The following ZFP69 variants were observed in gnomAD, a reference collection of about 807,000 sequenced individuals.
ZFP69 encodes zinc finger protein 69 homolog.
In ZFP69, 35 loss-of-function variants were observed where a neutral mutation model predicts 48.9. The ratio of observed to expected loss-of-function variants is 0.72; its 90% confidence interval spans 0.55 to 0.95. The LOEUF is 0.95. ZFP69 is among the 40% of genes least tolerant of loss of function. The pLI, the probability that ZFP69 is intolerant of heterozygous loss-of-function variation, is 0.00. For missense variants in ZFP69, 557 were observed against 638.4 expected (o/e 0.87, Z 1.37); for synonymous variants, 193 against 216.8 (o/e 0.89, Z 0.96).
At position 40,481,837 on chromosome 1, in the gene ZFP69, C is replaced by G. The variant is rs757099497; in HGVS notation, c.202C>G (p.Pro68Ala). ...SLEDEVTPGL[P>A]TAESQELLTF... Reference sequence around the variant, plus strand: ...AGAGGATGAAGTGACCCCTGGACTCCCGACAGCAGAATCCCAGGTGAGTAG... The same window carrying G: ...AGAGGATGAAGTGACCCCTGGACTCGCGACAGCAGAATCCCAGGTGAGTAG... Residue 68 changes from proline to alanine, a missense_variant, in exon 3 of 6, where the codon CCG (proline) becomes GCG (alanine). Transcript: ENST00000372706. 1 of 1,612,284 alleles carries G rather than the reference C, an allele frequency of 6.2e-7. No homozygotes were observed. Among genetic ancestry groups the G allele is most frequent in the African/African-American group, 1.3e-5 (1 of 74,836 alleles).
At chr1:40,490,943 C>T (rs1415564497) in intron 5 of ZFP69, 1 of 152,110 alleles carries the variant, frequency 6.6e-6, no homozygotes, top group African/African-American at 2.4e-5. Flanking sequence ...TAGCTTCCAC[C>T]TAGACTAAGA....
chr1:40,477,483 C>A lies in ZFP69; in HGVS notation c.-738C>A, dbSNP rs1247250390. On this transcript the variant is annotated 5_prime_UTR_variant, in exon 1 of 6. Transcript: ENST00000372706. The surrounding 1 kb of genome is among the most constrained non-coding windows in gnomAD (Gnocchi z 4.0). ...GCTGGGTGGGCTTGGCTGCAGCCGCCAGCCCCGTGTTAAAGCGGCAGCCAG... is the reference window on the plus strand; with the variant it reads ...GCTGGGTGGGCTTGGCTGCAGCCGCAAGCCCCGTGTTAAAGCGGCAGCCAG... The A allele has an allele frequency of 6.6e-6, 1 of 152,156 alleles. No homozygotes were observed. The highest frequency in any genetic ancestry group is 1.9e-4 in the East Asian group (1 of 5,178). The allele number at this position is 152,156 out of a possible 1,614,324, so 9.4% of individuals were successfully genotyped here.
intron 5 of ZFP69, among the ~76,000 whole-genome samples, chr1:40,489,866 CTTTTTTTTTTTTTTTTT>C: frequency 8.7e-6 from 1 of 115,434 alleles, no homozygotes; most frequent in South Asian, 2.7e-4. Context: ...TTTTCTTTTT[CTTTTTTTTTTTTTTTTT>C]TTTTTGAGAC....
At chr1:40,486,491 T>A (rs1367960529) in intron 3 of ZFP69, among the ~76,000 whole-genome samples, 2 of 66,032 alleles carry the variant, frequency 3.0e-5, no homozygotes, top group Admixed American at 4.1e-4. Flanking sequence ...CCTCCCTCCC[T>A]CCCTCCCACC....
chr1:40,494,964 T>G lies in ZFP69; in HGVS notation c.486T>G (p.Ser162Arg). 1 of 1,613,568 alleles carries G rather than the reference T, an allele frequency of 6.2e-7. No individual in the cohort carries two copies. The highest frequency in any genetic ancestry group is 2.2e-5 in the East Asian group (1 of 44,828). ...AAACCATTGAGTCAACTGCAAAGAG[T>G]ACCATTTCACAGGAGCGCTTATATC... ...KIETIESTAKSTISQERLYHG... is the reference protein window; with the variant it reads ...KIETIESTAKRTISQERLYHG... Residue 162 changes from serine (S) to arginine (R), a missense_variant, in exon 6 of 6, where the codon AGT becomes AGG. By Grantham distance (110) the Ser-to-Arg change is moderately radical (BLOSUM62 -1). Transcript: ENST00000372706.
chr1:40,480,386 C>T (rs1258431865), intron 2 of ZFP69, among the ~76,000 whole-genome samples: 2 of 149,964 alleles, frequency 1.3e-5, no homozygotes, highest in Non-Finnish European at 2.9e-5. Context: ...CTGCCTCAGC[C>T]TCCTGAGCAG....
Position 40,489,224 on chromosome 1 carries a change from G to T in ZFP69, c.346+10G>T, listed in dbSNP as rs776822266. 3 of 1,613,200 alleles carry T rather than the reference G, an allele frequency of 1.9e-6. No individual in the cohort carries two copies. The highest frequency in any genetic ancestry group is 2.5e-6 in the Non-Finnish European group (3 of 1,179,466). ...AACTTGGTGTCAGTGGGTAAGACTT[G>T]GCTATCCATGCATCCAGAAACCCAC... On this transcript the variant is annotated intron_variant, in intron 4 of 5. Coordinates refer to ENST00000372706, the MANE Select transcript of ZFP69 (RefSeq NM_001320179.2).
Position 40,489,130 on chromosome 1 carries a change from G to C in ZFP69, c.262G>C (p.Glu88Gln), listed in dbSNP as rs1645535995. 1.9e-6 allele frequency: 3 copies of C among 1,613,954 alleles called. No homozygotes were observed. Among genetic ancestry groups the C allele is most frequent in the Non-Finnish European group, 2.5e-6 (3 of 1,179,998 alleles). ...FKDISIDFTQEEWGQLAPAHQ... is the reference protein window; with the variant it reads ...FKDISIDFTQQEWGQLAPAHQ... ...GGACATATCTATTGACTTCACCCAGGAAGAGTGGGGGCAGCTGGCTCCTGC... is the reference window on the plus strand; with the variant it reads ...GGACATATCTATTGACTTCACCCAGCAAGAGTGGGGGCAGCTGGCTCCTGC... The change falls in exon 4 of 6, where the codon GAA becomes CAA. Residue 88 changes from glutamate to glutamine, a missense_variant. Coordinates refer to ENST00000372706, the MANE Select transcript of ZFP69 (RefSeq NM_001320179.2).
intron 3 of ZFP69, among the ~76,000 whole-genome samples, chr1:40,482,293 CAG>C (rs1286502027): frequency 6.6e-6 from 1 of 151,892 alleles, no homozygotes; most frequent in African/African-American, 2.4e-5. Flanking sequence ...ATATTGAAAA[CAG>C]AGGTCAAACC....
chr1:40,495,483 C>T lies in ZFP69; in HGVS notation c.1005C>T (p.Ala335=), dbSNP rs1479903322. Reference sequence around the variant, plus strand: ...TTGAATGTGAGGAATGTGGGAAAGCCTTCAGACATCGCTCATCACTTAATC... The same window carrying T: ...TTGAATGTGAGGAATGTGGGAAAGCTTTCAGACATCGCTCATCACTTAATC... ...KPFECEECGK[A]FRHRSSLNQH... Residue 335 remains alanine, a synonymous_variant, in exon 6 of 6, where the codon GCC becomes GCT. Transcript: ENST00000372706. 2 of 1,614,018 alleles carry T rather than the reference C, an allele frequency of 1.2e-6. No homozygotes were observed. Among genetic ancestry groups the T allele is most frequent in the African/African-American group, 1.3e-5 (1 of 74,928 alleles).
intron 3 of ZFP69, 111 bp from the exon 4 acceptor site, chr1:40,488,977 C>A: frequency 1.5e-6 from 2 of 1,341,690 alleles, no homozygotes; most frequent in Non-Finnish European, 2.1e-6. Context: ...CCAGAGAAGG[C>A]TCCTGATAAA....
Position 40,495,593 on chromosome 1 carries a change from A to G in ZFP69, c.1115A>G (p.Gln372Arg). 5 of 1,614,234 alleles carry G rather than the reference A, an allele frequency of 3.1e-6. No individual in the cohort carries two copies. Among genetic ancestry groups the G allele is most frequent in the Non-Finnish European group, 4.2e-6 (5 of 1,180,042 alleles). ...KAFSQNISLV[Q>R]HLRTHSGEKP... ...TTCAGCCAGAACATTAGCTTGGTTC[A>G]ACATTTGAGGACTCATTCTGGAGAG... is the stretch of plus-strand genomic sequence containing the variant. Residue 372 changes from glutamine (Q) to arginine (R), a missense_variant, in exon 6 of 6, where the codon CAA becomes CGA. Gln to Arg is a conservative substitution (Grantham distance 43). Coordinates refer to ENST00000372706, the MANE Select transcript of ZFP69 (RefSeq NM_001320179.2).
At position 40,481,710 on chromosome 1, in the gene ZFP69, T is replaced by C; in HGVS notation, c.128-53T>C. On this transcript the variant is annotated intron_variant, in intron 2 of 5. Coordinates refer to ENST00000372706, the MANE Select transcript of ZFP69 (RefSeq NM_001320179.2). ...TTGAGTGGGTCTGCAGGCAATTTCTTTATTTGGGAGATTTGGGGAGATGCA... is the reference window on the plus strand; with the variant it reads ...TTGAGTGGGTCTGCAGGCAATTTCTCTATTTGGGAGATTTGGGGAGATGCA... 2.1e-6 allele frequency: 3 copies of C among 1,454,168 alleles called. 1 individual carries two copies. The highest frequency in any genetic ancestry group is 2.6e-5 in the South Asian group (2 of 77,810). 90.1% of individuals were successfully genotyped at this position (1,454,168 alleles called of 1,614,324 possible). A position where few individuals can be genotyped will look rare whatever the true frequency, so the allele number is the denominator to read the frequency against.
chr1:40,495,420 C>T lies in ZFP69; in HGVS notation c.942C>T (p.Leu314=). The T allele has an allele frequency of 1.2e-6, 2 of 1,614,110 alleles. No homozygotes were observed. Among genetic ancestry groups the T allele is most frequent in the Non-Finnish European group, 1.7e-6 (2 of 1,180,010 alleles). ...GGGCCTTTAGTCAAAGTGCATCCCT[C>T]AGTACACACCAGAGAATCCATACTG... ...CGRAFSQSAS[L]STHQRIHTGE... Residue 314 remains leucine (L), a synonymous_variant, in exon 6 of 6, where the codon CTC becomes CTT. Transcript: ENST00000372706.
intron 3 of ZFP69, among the ~76,000 whole-genome samples, chr1:40,486,416 C>T (rs1254779900): frequency 1.0e-4 from 14 of 136,580 alleles, no homozygotes; most frequent in African/African-American, 3.6e-4. Context: ...TTTCCTCCCT[C>T]CCTCCCTTCC....
At chr1:40,478,892 T>G (rs1336549803) in intron 1 of ZFP69, 144 bp from the exon 2 acceptor site, 1 of 159,514 alleles carries the variant, frequency 6.3e-6, no homozygotes, top group East Asian at 1.9e-4. Context: ...AGGCATGGTC[T>G]GTGCATGTTT....
At position 40,479,275 on chromosome 1, in the gene ZFP69, G is replaced by A; in HGVS notation, c.-87G>A. The A allele has an allele frequency of 6.3e-7, 1 of 1,586,906 alleles. No individual in the cohort carries two copies. Among genetic ancestry groups the A allele is most frequent in the Non-Finnish European group, 8.6e-7 (1 of 1,162,290 alleles). Reference sequence around the variant, plus strand: ...CTGAGGGCAGGTGATTGGAATCTGAGCAACACCCCACAACTGTGAAGCGTC... The same window carrying A: ...CTGAGGGCAGGTGATTGGAATCTGAACAACACCCCACAACTGTGAAGCGTC... On this transcript the variant is annotated 5_prime_UTR_variant, in exon 2 of 6. Transcript: ENST00000372706.
At chr1:40,483,419 A>G (rs1645462796) in intron 3 of ZFP69, among the ~76,000 whole-genome samples, 1 of 151,822 alleles carries the variant, frequency 6.6e-6, no homozygotes, top group Admixed American at 6.6e-5. Flanking sequence ...CAGAAAAAAT[A>G]GGGTCTTACT....
rs779807062 is a variant in ZFP69, at chr1:40,495,528, T to C, written c.1050T>C (p.Thr350=). Reference sequence around the variant, plus strand: ...TTAATCAGCATCATAGAACTCACACTGGGGAGAAACCCTATGTATGTGATA... The same window carrying C: ...TTAATCAGCATCATAGAACTCACACCGGGGAGAAACCCTATGTATGTGATA... ...SSLNQHHRTH[T]GEKPYVCDKC... is the part of the protein sequence containing the mutation. The change falls in exon 6 of 6, where the codon ACT becomes ACC. Residue 350 remains threonine, a synonymous_variant. Coordinates refer to ENST00000372706, the MANE Select transcript of ZFP69 (RefSeq NM_001320179.2). The C allele has an allele frequency of 1.3e-5, 21 of 1,614,040 alleles. No individual in the cohort carries two copies. Among genetic ancestry groups the C allele is most frequent in the Non-Finnish European group, 1.7e-5 (20 of 1,180,026 alleles).
Sources: allele counts gnomAD v4.1 joint callset (sites outside exome capture counted in the v4.1 genomes callset), GRCh38; gene constraint gnomAD v4.1.1; non-coding constraint Gnocchi (gnomAD v3.1); transcripts MANE v1.5; gene names NCBI Gene and HGNC (gene_info 2026-07-23, HGNC 2026-07-21).